HS6ST1: variants seen among roughly 807,000 people sequenced by gnomAD.
HS6ST1 encodes heparan sulfate 6-O-sulfotransferase 1.
Under a neutral mutation model 25.2 loss-of-function variants are expected in HS6ST1, and 3 were observed. The ratio of observed to expected loss-of-function variants is 0.12; its 90% CI spans 0.05 to 0.31. HS6ST1 has a LOEUF of 0.31. HS6ST1 is among the 10% of genes least tolerant of loss of function. The pLI is 1.00. For synonymous variants in HS6ST1, 204 were observed against 275.1 expected, an observed-to-expected ratio of 0.74 and a Z score of 2.56; for missense variants, 310 against 609.6, an observed-to-expected ratio of 0.51 and a Z score of 5.18.
intron 1 of HS6ST1, among the ~76,000 whole-genome samples, chr2:128,281,410 C>T (rs1693783756): frequency 1.3e-5 from 2 of 152,310 alleles, no homozygotes; most frequent in South Asian, 4.1e-4. Flanking sequence ...AGGAGGAAGA[C>T]GCCCAGGAGA....
intron 1 of HS6ST1, 134 bp from the exon 2 acceptor site, chr2:128,269,004 C>A: frequency 1.4e-6 from 1 of 726,238 alleles, no homozygotes; most frequent in Non-Finnish European, 2.4e-6. Flanking sequence ...CTGCACTTAG[C>A]TCTCAGTCGT....
At chr2:128,268,933 T>G in intron 1 of HS6ST1, 63 bp from the exon 2 acceptor site, 1 of 1,412,318 alleles carries the variant, frequency 7.1e-7, no homozygotes, top group Admixed American at 1.7e-5. Flanking sequence ...CTACCAGGGC[T>G]GCTCTGAGTC....
chr2:128,309,485 G>A (rs1435071550), intron 1 of HS6ST1, among the ~76,000 whole-genome samples: 1 of 152,262 alleles, frequency 6.6e-6, no homozygotes, highest in African/African-American at 2.4e-5. Flanking sequence ...TGCCCCAGCA[G>A]GAGGCCCTGT....
chr2:128,313,771 G>A (rs1694324297), intron 1 of HS6ST1, among the ~76,000 whole-genome samples: 2 of 152,088 alleles, frequency 1.3e-5, no homozygotes, highest in South Asian at 4.1e-4. Context: ...TCTGATCCAG[G>A]AGCAGGAGTC....
At chr2:128,307,664 T>C (rs1694233503) in intron 1 of HS6ST1, among the ~76,000 whole-genome samples, 1 of 152,132 alleles carries the variant, frequency 6.6e-6, no homozygotes, top group Non-Finnish European at 1.5e-5. Context: ...GATAAACACA[T>C]GGTAAGATGC....
At chr2:128,304,970 G>C (rs1401047618) in intron 1 of HS6ST1, among the ~76,000 whole-genome samples, 1 of 152,206 alleles carries the variant, frequency 6.6e-6, no homozygotes, top group African/African-American at 2.4e-5. Context: ...GGGCCTTCCT[G>C]GTGGCCCAGG....
Position 128,318,225 on chromosome 2 carries a change from C to T in HS6ST1, c.339G>A (p.Glu113=). Residue 113 remains glutamate (E), a synonymous_variant, in exon 1 of 2, where the codon GAG becomes GAA. Coordinates refer to ENST00000259241, the MANE Select transcript of HS6ST1 (RefSeq NM_004807.3). This position sits in a 1 kb window ranked among gnomAD's most constrained non-coding sequence, Gnocchi z 5.7. The stretch of plus-strand genomic sequence containing the variant: ...GGCCGGGCCGGCAGTCGCACGGCAC[C>T]TCGAGGCGTACGTTCTGCACGAGGT... ...GRHLVQNVRL[E]VPCDCRPGQK... 6.5e-7 allele frequency: 1 copy of T among 1,545,480 alleles called. No individual in the cohort carries two copies. The highest frequency in any genetic ancestry group is 8.8e-7 in the Non-Finnish European group (1 of 1,137,084).
intron 1 of HS6ST1, among the ~76,000 whole-genome samples, chr2:128,309,225 G>A (rs1298664115): frequency 6.6e-6 from 1 of 152,230 alleles, no homozygotes; most frequent in African/African-American, 2.4e-5. Flanking sequence ...GTCCTAGTTT[G>A]CTGTGGAGGG....
intron 1 of HS6ST1, among the ~76,000 whole-genome samples, chr2:128,281,555 C>A (rs1175673719): frequency 3.3e-5 from 5 of 152,190 alleles, no homozygotes; most frequent in African/African-American, 4.8e-5. Flanking sequence ...CACCTTGGAC[C>A]ATGAGGCAGA....
intron 1 of HS6ST1, among the ~76,000 whole-genome samples, chr2:128,288,281 C>A (rs13385717): frequency 0.092 from 13,941 of 152,128 alleles, 683 homozygotes; most frequent in African/African-American, 0.12. Flanking sequence ...ACGTGGAGGC[C>A]CGAGAGGGAG....
rs796091073 is a variant in HS6ST1, at chr2:128,298,939, C to CA, written c.527+19097dup. On this transcript the variant is annotated intron_variant, in intron 1 of 1. Transcript: ENST00000259241. ...TCCCTGGGCGCGGCCACCCTGGGCC[C>CA]ACCAGTGGGGCTGGCCCAGGCCTAA... Among the ~76,000 whole-genome samples the CA allele has an allele frequency of 7.9e-5, 12 of 152,346 alleles. No homozygotes were observed. In the East Asian group the frequency reaches 1.9e-3, roughly 25 times the overall value.
At chr2:128,277,561 G>A (rs1693715386) in intron 1 of HS6ST1, among the ~76,000 whole-genome samples, 1 of 152,180 alleles carries the variant, frequency 6.6e-6, no homozygotes, top group Non-Finnish European at 1.5e-5. Flanking sequence ...GCCGGCCTAC[G>A]TCCCTCCCTC....
intron 1 of HS6ST1, among the ~76,000 whole-genome samples, chr2:128,309,803 T>C (rs193286476): frequency 3.3e-5 from 5 of 152,312 alleles, no homozygotes; most frequent in Admixed American, 6.5e-5. Context: ...AGTCTCCCCA[T>C]GGCACGCGGA....
chr2:128,316,696 TGTGTGTGTGTGG>T (rs1249406650), intron 1 of HS6ST1, among the ~76,000 whole-genome samples: 3 of 150,648 alleles, frequency 2.0e-5, no homozygotes, highest in African/African-American at 4.9e-5. Flanking sequence ...CTGCAGTGTG[TGTGTGTGTGTGG>T]GTGTGTGTGT....
chr2:128,295,024 A>G (rs1694020424), intron 1 of HS6ST1, among the ~76,000 whole-genome samples: 1 of 152,202 alleles, frequency 6.6e-6, no homozygotes, highest in Non-Finnish European at 1.5e-5. Context: ...GGCAAGGCAG[A>G]AATGCAGGAG....
At chr2:128,276,734 A>C (rs1693701281) in intron 1 of HS6ST1, among the ~76,000 whole-genome samples, 1 of 152,138 alleles carries the variant, frequency 6.6e-6, no homozygotes, top group South Asian at 2.1e-4. Context: ...CAGGTGAACC[A>C]GTCTTGTAAA....
chr2:128,317,468 G>C (rs1350724030), intron 1 of HS6ST1, among the ~76,000 whole-genome samples: 1 of 152,248 alleles, frequency 6.6e-6, no homozygotes, highest in East Asian at 1.9e-4. Context: ...CCCAGCCCCA[G>C]GTCAACAGGG....
At chr2:128,308,936 T>C (rs1385448314) in intron 1 of HS6ST1, among the ~76,000 whole-genome samples, 2 of 152,204 alleles carry the variant, frequency 1.3e-5, no homozygotes, top group East Asian at 3.9e-4. Context: ...TAGCCTCTTA[T>C]AGTACAGAGG....
At chr2:128,272,986 A>G (rs908215926) in intron 1 of HS6ST1, among the ~76,000 whole-genome samples, 2 of 152,172 alleles carry the variant, frequency 1.3e-5, no homozygotes, top group African/African-American at 4.8e-5. Flanking sequence ...GAAAGCCCTC[A>G]TGGTCCCTGG....
Sources: gnomAD v4.1 joint callset for allele counts (sites outside exome capture counted in the v4.1 genomes callset) on GRCh38, gnomAD v4.1.1 for gene constraint, Gnocchi (gnomAD v3.1) non-coding constraint, MANE v1.5 for transcripts, NCBI Gene and HGNC (gene_info 2026-07-23, HGNC 2026-07-21) for gene names.